ASAP1: variants seen among roughly 807,000 people sequenced by gnomAD.
ASAP1 encodes ArfGAP with SH3 domain, ankyrin repeat and PH domain 1.
A neutral mutation model predicts 145.2 loss-of-function variants in ASAP1; 43 were observed. The observed-to-expected ratio is 0.30, with a 90% CI of 0.23 to 0.38. The LOEUF (loss-of-function observed/expected upper bound fraction) is 0.38. Ranked by LOEUF, ASAP1 falls within the 10% of genes least tolerant of loss-of-function variation. The pLI, the probability that ASAP1 is intolerant of heterozygous loss-of-function variation, is 1.00. For synonymous variants in ASAP1, 546 were observed against 515.5 expected (o/e 1.06, Z -0.80); for missense variants, 1,018 against 1,355.3 (o/e 0.75, Z 3.91).
At chr8:130,172,959 T>C (rs138451877) in intron 9 of ASAP1, among the ~76,000 whole-genome samples, 149 of 152,368 alleles carry the variant, frequency 9.8e-4, no homozygotes, top group African/African-American at 3.4e-3. Flanking sequence ...CATAATCCCA[T>C]TTTTGTAAAC....
chr8:130,338,959 G>C (rs575569738), intron 3 of ASAP1, among the ~76,000 whole-genome samples: 95 of 152,306 alleles, frequency 6.2e-4, no homozygotes, highest in African/African-American at 2.0e-3. Flanking sequence ...CACAAGATGG[G>C]GGCAGAGTAA....
intron 2 of ASAP1, among the ~76,000 whole-genome samples, chr8:130,377,012 G>C (rs1827534918): frequency 6.7e-6 from 1 of 149,426 alleles, no homozygotes; most frequent in South Asian, 2.1e-4. Flanking sequence ...AAAAGAATCA[G>C]ATCATCTCAG....
intron 2 of ASAP1, among the ~76,000 whole-genome samples, chr8:130,399,871 G>GTA (rs1347297160): frequency 7.5e-6 from 1 of 133,570 alleles, no homozygotes; most frequent in African/African-American, 3.0e-5. Flanking sequence ...GGCTGGAGTA[G>GTA]TACAATGGCG....
intron 2 of ASAP1, among the ~76,000 whole-genome samples, chr8:130,369,994 A>G (rs565632466): frequency 6.6e-6 from 1 of 152,154 alleles, no homozygotes; most frequent in African/African-American, 2.4e-5. Flanking sequence ...ATGAATGGGA[A>G]CAGTGCCTTA....
chr8:130,239,695 C>T (rs1818412396), intron 3 of ASAP1, among the ~76,000 whole-genome samples: 1 of 151,976 alleles, frequency 6.6e-6, no homozygotes, highest in Non-Finnish European at 1.5e-5. Flanking sequence ...AGACTGAATC[C>T]AATGGGTTTA....
At chr8:130,282,098 A>C (rs529506661) in intron 3 of ASAP1, among the ~76,000 whole-genome samples, 1 of 151,470 alleles carries the variant, frequency 6.6e-6, no homozygotes, top group Admixed American at 6.6e-5. Context: ...ATGGCATGGC[A>C]AAAATCGCAA....
intron 2 of ASAP1, among the ~76,000 whole-genome samples, chr8:130,399,672 T>C (rs915327894): frequency 2.0e-4 from 30 of 152,138 alleles, no homozygotes; most frequent in Admixed American, 1.3e-3. Context: ...AACCTAAAAA[T>C]TGAAGTAATT....
intron 3 of ASAP1, among the ~76,000 whole-genome samples, chr8:130,290,269 T>C (rs1565176424): frequency 6.6e-6 from 1 of 152,240 alleles, no homozygotes; most frequent in Non-Finnish European, 1.5e-5. Flanking sequence ...ACTGTGCTAC[T>C]CCGCCTCCTC....
intron 9 of ASAP1, among the ~76,000 whole-genome samples, chr8:130,177,149 G>C (rs1814018717): frequency 1.3e-5 from 2 of 152,180 alleles, no homozygotes; most frequent in Middle Eastern, 3.4e-3. Flanking sequence ...GCTGATCTTT[G>C]GTAAAAGACT....
At chr8:130,223,152 T>A (rs1817393497) in intron 4 of ASAP1, among the ~76,000 whole-genome samples, 1 of 152,238 alleles carries the variant, frequency 6.6e-6, no homozygotes, top group African/African-American at 2.4e-5. Flanking sequence ...TTATTTCTAC[T>A]TAATGGGTAT....
intron 2 of ASAP1, among the ~76,000 whole-genome samples, chr8:130,388,672 G>A (rs1234661228): frequency 8.5e-5 from 13 of 152,208 alleles, no homozygotes; most frequent in Admixed American, 8.5e-4. Context: ...CCGGCTTGGT[G>A]TCATAGAAGC....
intron 9 of ASAP1, among the ~76,000 whole-genome samples, chr8:130,171,532 G>GC (rs1385929736): frequency 6.6e-6 from 1 of 152,134 alleles, no homozygotes; most frequent in Non-Finnish European, 1.5e-5. Context: ...GGGGGAAACT[G>GC]CCCCCATGAC....
At chr8:130,438,181 A>G (rs977070246) in intron 1 of ASAP1, among the ~76,000 whole-genome samples, 3 of 152,166 alleles carry the variant, frequency 2.0e-5, no homozygotes, top group Admixed American at 6.5e-5. Context: ...CTGGGACAGG[A>G]GCCCATTTTC....
intron 1 of ASAP1, among the ~76,000 whole-genome samples, chr8:130,412,985 T>C (rs981415007): frequency 1.3e-5 from 2 of 152,248 alleles, no homozygotes; most frequent in Admixed American, 6.5e-5. Flanking sequence ...ATTGCATAGT[T>C]ATTATGTGTA....
chr8:130,152,912 C>A, intron 12 of ASAP1, 107 bp from the exon 13 acceptor site: 1 of 805,064 alleles, frequency 1.2e-6, no homozygotes, highest in Non-Finnish European at 1.8e-6. Context: ...TTCCCCAAAC[C>A]AAAAAATCCA....
intron 5 of ASAP1, among the ~76,000 whole-genome samples, chr8:130,190,209 C>G (rs1281579549): frequency 6.6e-6 from 1 of 152,186 alleles, no homozygotes; most frequent in Non-Finnish European, 1.5e-5. Flanking sequence ...TGAGGTCTTT[C>G]TCAAGACATC....
At chr8:130,241,430 T>G (rs1369223529) in intron 3 of ASAP1, among the ~76,000 whole-genome samples, 1 of 152,132 alleles carries the variant, frequency 6.6e-6, no homozygotes, top group East Asian at 1.9e-4. Flanking sequence ...GTATAACCTG[T>G]TCATGGCTGA....
At chr8:130,423,926 A>G (rs6470819) in intron 1 of ASAP1, among the ~76,000 whole-genome samples, 38,088 of 152,038 alleles carry the variant, frequency 0.25, 5,135 homozygotes, top group Non-Finnish European at 0.3. Context: ...ATGGGGGGTG[A>G]CTGCTAATGA....
At chr8:130,134,224 T>C in intron 15 of ASAP1, 72 bp downstream of exon 15, 1 of 1,186,560 alleles carries the variant, frequency 8.4e-7, no homozygotes, top group Non-Finnish European at 1.2e-6. Context: ...AAAGAAAATG[T>C]TGATGTGTAT....
Sources: allele counts gnomAD v4.1 joint callset (sites outside exome capture counted in the v4.1 genomes callset), GRCh38; gene constraint gnomAD v4.1.1; transcripts MANE v1.5; gene names NCBI Gene and HGNC (gene_info 2026-07-23, HGNC 2026-07-21).